Variants in KCNQ3 observed in about 807,000 individuals in gnomAD.
KCNQ3 encodes the protein potassium voltage-gated channel subfamily Q member 3.
In KCNQ3, 30 loss-of-function variants were observed where a neutral mutation model predicts 92.5. That is an observed-to-expected ratio of 0.32 (90% confidence interval 0.24 to 0.44). The LOEUF is 0.44. KCNQ3 is among the 20% of genes least tolerant of loss of function. KCNQ3 has a pLI of 1.00. For synonymous variants in KCNQ3, 450 were observed against 468.8 expected, an observed-to-expected ratio of 0.96 and a Z score of 0.52; for missense variants, 913 against 1,140.3, an observed-to-expected ratio of 0.80 and a Z score of 2.87.
At chr8:132,447,080 A>G (rs547054732) in intron 1 of KCNQ3, 1 of 829,986 alleles carries the variant, frequency 1.2e-6, no homozygotes, top group South Asian at 1.6e-5. Context: ...AGGGTGAGTC[A>G]CATCAGACTT....
At chr8:132,325,053 G>C (rs1818003693) in intron 1 of KCNQ3, among the ~76,000 whole-genome samples, 1 of 150,812 alleles carries the variant, frequency 6.6e-6, no homozygotes, top group Admixed American at 6.6e-5. Flanking sequence ...CATTCCCACT[G>C]TTTCTAGGAT....
chr8:132,339,240 T>A (rs970342018), intron 1 of KCNQ3, among the ~76,000 whole-genome samples: 4 of 152,164 alleles, frequency 2.6e-5, no homozygotes, highest in Admixed American at 6.5e-5. Context: ...AAGCAATGAG[T>A]TTTGTTAAAA....
At chr8:132,316,743 A>G (rs1817753789) in intron 1 of KCNQ3, among the ~76,000 whole-genome samples, 1 of 152,260 alleles carries the variant, frequency 6.6e-6, no homozygotes, top group African/African-American at 2.4e-5. Flanking sequence ...ATAATTAACA[A>G]TTGGCAGTTC....
chr8:132,265,995 A>G (rs1019725923), intron 1 of KCNQ3, among the ~76,000 whole-genome samples: 1 of 152,206 alleles, frequency 6.6e-6, no homozygotes, highest in Non-Finnish European at 1.5e-5. Context: ...TCCTTCAGCT[A>G]TCACATAGCA....
intron 1 of KCNQ3, among the ~76,000 whole-genome samples, chr8:132,344,218 A>C (rs180733576): frequency 1.3e-5 from 2 of 152,374 alleles, no homozygotes; most frequent in East Asian, 1.9e-4. Context: ...TTATAGGGTC[A>C]GTACCCTATT....
intron 1 of KCNQ3, among the ~76,000 whole-genome samples, chr8:132,478,561 G>C (rs772466810): frequency 5.3e-5 from 8 of 152,006 alleles, no homozygotes; most frequent in Non-Finnish European, 1.2e-4. Flanking sequence ...CACCTAAAAA[G>C]AGCAAATGAA....
chr8:132,358,621 G>A (rs1052400176), intron 1 of KCNQ3, among the ~76,000 whole-genome samples: 23 of 152,142 alleles, frequency 1.5e-4, no homozygotes, highest in Non-Finnish European at 2.9e-5. Context: ...AGGTGAGGAG[G>A]CACGAAGCTT....
At position 132,349,920 on chromosome 8, in the gene KCNQ3, C is replaced by T. The variant is rs142797427; in HGVS notation, c.386+130227G>A. 5.1e-3 allele frequency among the ~76,000 whole-genome samples: 771 copies of T among 152,336 alleles called. 6 individuals are homozygous for T. The highest frequency in any genetic ancestry group is 0.017 in the African/African-American group (716 of 41,570). On this transcript the variant is annotated intron_variant, in intron 1 of 14. Transcript: ENST00000388996. ...TGATGTACTCAGAGGTGAAATGACA[C>T]GCTGAAGGCTACACCACTAGTAAGA...
At chr8:132,329,631 A>C (rs769833416) in intron 1 of KCNQ3, among the ~76,000 whole-genome samples, 8 of 152,162 alleles carry the variant, frequency 5.3e-5, no homozygotes, top group Non-Finnish European at 1.2e-4. Flanking sequence ...AGATAGCTCT[A>C]ACTAACCATG....
At chr8:132,184,489 CAGGGA>C in intron 2 of KCNQ3, 122 bp from the exon 3 acceptor site, 1 of 1,105,862 alleles carries the variant, frequency 9.0e-7, no homozygotes, top group East Asian at 2.8e-5. Flanking sequence ...GTCTGGTTGG[CAGGGA>C]TGGCTGGGGA....
At chr8:132,199,910 CAA>C (rs66931252) in intron 1 of KCNQ3, among the ~76,000 whole-genome samples, 61 of 101,796 alleles carry the variant, frequency 6.0e-4, no homozygotes, top group East Asian at 1.1e-3. Flanking sequence ...ACTCAGTCTC[CAA>C]AAAAAAAAAA....
At chr8:132,137,647 C>T (rs961756484) in intron 12 of KCNQ3, among the ~76,000 whole-genome samples, 11 of 152,158 alleles carry the variant, frequency 7.2e-5, no homozygotes, top group African/African-American at 2.7e-4. Flanking sequence ...TGTGCTTTCT[C>T]CTCTCTGACA....
chr8:132,305,122 G>T (rs1381248828), intron 1 of KCNQ3, among the ~76,000 whole-genome samples: 1 of 152,150 alleles, frequency 6.6e-6, no homozygotes, highest in African/African-American at 2.4e-5. Flanking sequence ...ATAGAGTTTG[G>T]TTAATGGAAG....
intron 1 of KCNQ3, among the ~76,000 whole-genome samples, chr8:132,326,568 G>A (rs528764958): frequency 5.9e-5 from 9 of 152,124 alleles, no homozygotes; most frequent in Non-Finnish European, 1.0e-4. Context: ...AGGTACCACC[G>A]TCATGAATGG....
chr8:132,438,805 T>A (rs1314985668), intron 1 of KCNQ3, among the ~76,000 whole-genome samples: 1 of 151,830 alleles, frequency 6.6e-6, no homozygotes, highest in Admixed American at 6.6e-5. Context: ...CTAAGAAGGT[T>A]CATGAACAGT....
At chr8:132,380,981 C>A (rs2130754533) in intron 1 of KCNQ3, among the ~76,000 whole-genome samples, 1 of 148,052 alleles carries the variant, frequency 6.8e-6, no homozygotes, top group East Asian at 2.0e-4. Flanking sequence ...GGGCATGGTG[C>A]ATCTGAATAG....
At chr8:132,399,991 C>T (rs1247290387) in intron 1 of KCNQ3, among the ~76,000 whole-genome samples, 1 of 152,108 alleles carries the variant, frequency 6.6e-6, no homozygotes, top group Non-Finnish European at 1.5e-5. Flanking sequence ...AACAACCTAC[C>T]GGGTGCCCAT....
At position 132,260,475 on chromosome 8, in the gene KCNQ3, T is replaced by A. The variant is rs115593206; in HGVS notation, c.387-74294A>T. Reference sequence around the variant, plus strand: ...TGGGGATACAGGTAATTAAAAAAAATAATAATAAATACATAGTATGCCATA... The same window carrying A: ...TGGGGATACAGGTAATTAAAAAAAAAAATAATAAATACATAGTATGCCATA... On this transcript the variant is annotated intron_variant, in intron 1 of 14. Transcript: ENST00000388996. 4.7e-3 allele frequency among the ~76,000 whole-genome samples: 717 copies of A among 152,018 alleles called. 5 individuals are homozygous for A. Among genetic ancestry groups the A allele is most frequent in the African/African-American group, 0.016 (670 of 41,426 alleles).
At chr8:132,298,890 A>G (rs1226128174) in intron 1 of KCNQ3, among the ~76,000 whole-genome samples, 1 of 152,188 alleles carries the variant, frequency 6.6e-6, no homozygotes, top group East Asian at 1.9e-4. Flanking sequence ...TCTGGGCGAC[A>G]AGAGTGAAAC....
Sources: allele counts gnomAD v4.1 joint callset (sites outside exome capture counted in the v4.1 genomes callset), GRCh38; gene constraint gnomAD v4.1.1; transcripts MANE v1.5; gene names NCBI Gene and HGNC (gene_info 2026-07-23, HGNC 2026-07-21).